Variants in MKRN2OS observed in about 807,000 individuals in gnomAD.
MKRN2OS encodes MKRN2 opposite strand.
MKRN2OS carries 17 observed loss-of-function variants against 18.2 expected under a neutral mutation model. That is an observed-to-expected ratio of 0.93 (90% CI 0.64 to 1.40). The LOEUF (loss-of-function observed/expected upper bound fraction) is 1.40, where lower values mean the gene tolerates loss of function less well. MKRN2OS is among the 40% of genes most tolerant of loss of function. MKRN2OS has a pLI of 0.00. For missense variants in MKRN2OS, 337 were observed against 283.0 expected (o/e 1.19, Z -1.37); for synonymous variants, 121 against 108.5 (o/e 1.12, Z -0.72).
Position 12,541,769 on chromosome 3 carries a change from TGCTGAGTCCTCTGTGA to T in MKRN2OS, c.431+75_431+90del. The T allele has an allele frequency of 5.3e-6, 7 of 1,321,912 alleles. No homozygotes were observed. In the South Asian group the frequency reaches 8.8e-5, roughly 17 times the overall value. 81.9% of individuals were successfully genotyped at this position (1,321,912 alleles called of 1,614,324 possible). The stretch of plus-strand genomic sequence containing the variant: ...ATCGGCTCAACATGAAGCTAAGTGC[TGCTGAGTCCTCTGTGA>T]GCTGAGGCTACACGGGGATCCCACT... On this transcript the variant is annotated intron_variant, in intron 3 of 3. Transcript: ENST00000564146.
At chr3:12,556,799 C>T (rs2057975046) in intron 1 of MKRN2OS, among the ~76,000 whole-genome samples, 1 of 152,062 alleles carries the variant, frequency 6.6e-6, no homozygotes, top group Admixed American at 6.6e-5. Context: ...GCGGGAGATC[C>T]CTAAGGAATA....
In MKRN2OS at chr3:12,557,297, G is replaced by T. The variant is rs1012804676; in HGVS notation, n.265-3163C>A. ...GCGGGACTCGGAAAGTTACTCGGCT[G>T]TTCGCGGCGGGGCTTTGCGAGGCAG... On this transcript the variant is annotated intron_variant and non_coding_transcript_variant, in intron 1 of 1. Coordinates refer to the MKRN2OS transcript ENST00000447550. The T allele has an allele frequency of 1.4e-5, 18 of 1,323,772 alleles. No individual in the cohort carries two copies. In the Admixed American group the frequency reaches 4.6e-4, roughly 34 times the overall value. 82.0% of individuals were successfully genotyped at this position (1,323,772 alleles called of 1,614,324 possible).
At chr3:12,544,108 G>C (rs1264805647) in intron 1 of MKRN2OS, among the ~76,000 whole-genome samples, 19 of 152,002 alleles carry the variant, frequency 1.2e-4, no homozygotes, top group Non-Finnish European at 1.5e-5. Context: ...TACATACTTT[G>C]GTTCATTTAA....
intron 1 of MKRN2OS, among the ~76,000 whole-genome samples, chr3:12,557,876 G>A (rs970666376): frequency 2.0e-4 from 31 of 152,312 alleles, no homozygotes; most frequent in Admixed American, 1.7e-3. Flanking sequence ...GAAATGCGAC[G>A]GTAATGGATG....
At chr3:12,546,574 G>GTTTTTT (rs1559382062), upstream of MKRN2OS, among the ~76,000 whole-genome samples, 23 of 125,068 alleles carry the variant, frequency 1.8e-4, no homozygotes, top group Admixed American at 2.6e-4. Flanking sequence ...GGGTACATGG[G>GTTTTTT]ATTTTTTTTT....
chr3:12,557,310 C>A, intron 1 of MKRN2OS: 3 of 1,250,224 alleles, frequency 2.4e-6, no homozygotes, highest in Non-Finnish European at 3.2e-6. Flanking sequence ...CGCGGCGGGG[C>A]TTTGCGAGGC....
At chr3:12,541,724 A>C in intron 3 of MKRN2OS, 136 bp downstream of exon 3, 210 of 919,750 alleles carry the variant, frequency 2.3e-4, no homozygotes, top group Non-Finnish European at 3.0e-4. Context: ...AAATTCTGTT[A>C]GAGATGCTAA....
At position 12,543,172 on chromosome 3, in the gene MKRN2OS, G is replaced by T; in HGVS notation, c.268+8C>A. The T allele has an allele frequency of 6.5e-7, 1 of 1,534,566 alleles. No homozygotes were observed. On this transcript the variant is annotated splice_region_variant and intron_variant, in intron 2 of 3. Transcript: ENST00000564146. ...TAGGGGTTTTTTAAGCTACAAAACTGCACTTACCATTTGTGTTAGTTATTC... is the reference window on the plus strand; with the variant it reads ...TAGGGGTTTTTTAAGCTACAAAACTTCACTTACCATTTGTGTTAGTTATTC...
At chr3:12,543,124 A>ACTG in intron 2 of MKRN2OS, 56 bp downstream of exon 2, 1 of 1,395,766 alleles carries the variant, frequency 7.2e-7, no homozygotes, top group Non-Finnish European at 9.8e-7. Context: ...CTCCACAAAT[A>ACTG]CTGCTTTCCT....
chr3:12,541,907 G>T lies in MKRN2OS; in HGVS notation c.384C>A (p.Asp128Glu). Residue 128 changes from aspartate to glutamate, a missense_variant, in exon 3 of 4, where the codon GAC (aspartate) becomes GAA (glutamate). By Grantham distance (45) the Asp-to-Glu change is conservative. Coordinates refer to ENST00000564146, the MANE Select transcript of MKRN2OS (RefSeq NM_001195279.2). Reference protein sequence around the residue: ...PNMYGMMEQWDKYLEDFSTSG... With the variant: ...PNMYGMMEQWEKYLEDFSTSG... ...AGGTGGAGAAGTCTTCCAGGTACTT[G>T]TCCCATTGCTCCATCATTCCATACA... The T allele has an allele frequency of 6.5e-7, 1 of 1,536,052 alleles. No homozygotes were observed. The highest frequency in any genetic ancestry group is 8.7e-7 in the Non-Finnish European group (1 of 1,146,876).
downstream of MKRN2OS, among the ~76,000 whole-genome samples, chr3:12,552,903 G>A (rs749348298): frequency 1.3e-5 from 2 of 150,992 alleles, no homozygotes; most frequent in South Asian, 2.1e-4. Flanking sequence ...CATGCCTGGC[G>A]CACACCTGTA....
In MKRN2OS at chr3:12,545,406, A is replaced by C. The variant is rs766014048; in HGVS notation, c.59T>G (p.Ile20Ser). Residue 20 changes from isoleucine to serine, a missense_variant, in exon 1 of 4, where the codon ATC becomes AGC. By Grantham distance (142) the Ile-to-Ser change is moderately radical (BLOSUM62 -2). Transcript: ENST00000564146. ...LIKFNHCEKY[I>S]YSFSVPQCCP... is the part of the protein sequence containing the mutation. ...GCACTGGGGCACACTGAAGCTGTAG[A>C]TGTATTTCTCACAGTGGTTGAATTT... 6.5e-7 allele frequency: 1 copy of C among 1,535,518 alleles called. No homozygotes were observed. The highest frequency in any genetic ancestry group is 8.7e-7 in the Non-Finnish European group (1 of 1,146,754).
upstream of MKRN2OS, among the ~76,000 whole-genome samples, chr3:12,548,482 A>AAAAAAAAG (rs2057904641): frequency 2.0e-5 from 1 of 49,810 alleles, no homozygotes; most frequent in Non-Finnish European, 3.1e-5. Context: ...AAAAAAAAAA[A>AAAAAAAAG]CCAGCCGAGC....
At chr3:12,557,057 C>T in intron 1 of MKRN2OS, 1 of 1,303,050 alleles carries the variant, frequency 7.7e-7, no homozygotes, top group South Asian at 2.1e-5. Context: ...CGGCGTGACG[C>T]GGCTACGCGG....
At chr3:12,560,806 C>G (rs888206607) in exon 1 of MKRN2OS, 1 of 152,346 alleles carries the variant, frequency 6.6e-6, no homozygotes, top group Non-Finnish European at 1.5e-5. Flanking sequence ...CGTCTCTCCC[C>G]TCCTCCAGTT....
intron 1 of MKRN2OS, among the ~76,000 whole-genome samples, chr3:12,559,004 A>G (rs989245567): frequency 4.6e-5 from 7 of 152,222 alleles, no homozygotes; most frequent in African/African-American, 1.7e-4. Flanking sequence ...ATGCCCTCAT[A>G]GACTGTAGGG....
chr3:12,542,506 G>A (rs11710908), intron 2 of MKRN2OS, among the ~76,000 whole-genome samples: 26,285 of 151,900 alleles, frequency 0.17, 2,623 homozygotes, highest in African/African-American at 0.25. Flanking sequence ...TTGCCTCAGC[G>A]GGTAAGGAAA....
chr3:12,547,174 C>T (rs1283172768), upstream of MKRN2OS, among the ~76,000 whole-genome samples: 1 of 152,110 alleles, frequency 6.6e-6, no homozygotes, highest in Non-Finnish European at 1.5e-5. Context: ...AGTAATGCCC[C>T]TTGTTTCTCA....
chr3:12,546,703 G>T (rs140043783), upstream of MKRN2OS, among the ~76,000 whole-genome samples: 46 of 149,526 alleles, frequency 3.1e-4, 1 homozygote, highest in East Asian at 7.7e-3. Flanking sequence ...TCAGCCTCCT[G>T]AGTAGCTGGG....
Sources: allele counts gnomAD v4.1 joint callset (sites outside exome capture counted in the v4.1 genomes callset), GRCh38; gene constraint gnomAD v4.1.1; transcripts MANE v1.5; gene names NCBI Gene and HGNC (gene_info 2026-07-23, HGNC 2026-07-21).